MSANTD7: variants seen among roughly 807,000 people sequenced by gnomAD.
The protein encoded by MSANTD7 is Myb/SANT DNA binding domain containing 7, also known as zinc finger and SCAN domain containing 29.
chr10:14,840,421 TCACATTTTTAGATTTTTTTTAACTG>T, the MSANTD7 span, among the ~76,000 whole-genome samples: 1 of 152,206 alleles, frequency 6.6e-6, no homozygotes, highest in African/African-American at 2.4e-5. Flanking sequence ...TTTGGATTGT[TCACATTTTTAGATTTTTTTTAACTG>T]AGAGGATTTC....
chr10:14,843,737 A>G, the MSANTD7 span: 1 of 1,537,000 alleles, frequency 6.5e-7, no homozygotes. Context: ...GCTATTGGTG[A>G]GGAGGCCAGT....
chr10:14,845,320 G>A, the MSANTD7 span: 1 of 985,424 alleles, frequency 1.0e-6, no homozygotes. Context: ...ATAACAAAGA[G>A]TGGGCATGTT....
the MSANTD7 span, chr10:14,844,237 C>G: frequency 1.1e-5 from 12 of 1,092,658 alleles, no homozygotes; most frequent in Non-Finnish European, 1.4e-5. Context: ...CCCTGCCTAC[C>G]TCACAGGGTT....
chr10:14,842,243 C>A, the MSANTD7 span: 3 of 1,535,520 alleles, frequency 2.0e-6, no homozygotes, highest in South Asian at 3.6e-5. The surrounding 1 kb of genome is among the most constrained non-coding windows in gnomAD (Gnocchi z 5.2). Flanking sequence ...AGACTTGCAC[C>A]TTGCTGTCCA....
chr10:14,845,173 T>A, the MSANTD7 span: 1 of 985,446 alleles, frequency 1.0e-6, no homozygotes, highest in Non-Finnish European at 1.2e-6. Context: ...CACTTCCGAT[T>A]TACTCTAGAA....
At chr10:14,846,654 TCCTA>T in the MSANTD7 span, 5 of 942,266 alleles carry the variant, frequency 5.3e-6, no homozygotes, top group Non-Finnish European at 6.3e-6. Context: ...CTCATAATTG[TCCTA>T]CCTACCTCAC....
the MSANTD7 span, among the ~76,000 whole-genome samples, chr10:14,841,513 T>C: frequency 1.3e-3 from 202 of 152,342 alleles, 2 homozygotes; most frequent in Non-Finnish European, 2.4e-3. Context: ...TGCAAAATTA[T>C]AGTACAGTGT....
chr10:14,846,210 A>G, the MSANTD7 span: 1 of 985,116 alleles, frequency 1.0e-6, no homozygotes, highest in African/African-American at 1.7e-5. Context: ...ATATGGAAAG[A>G]TATGTGTCAA....
chr10:14,838,613 G>T, the MSANTD7 span: 1 of 701,712 alleles, frequency 1.4e-6, no homozygotes, highest in Non-Finnish European at 2.2e-6. Flanking sequence ...GGGCCGGGCA[G>T]GCCCGGCCTC....
At chr10:14,844,425 A>C in the MSANTD7 span, 9 of 994,538 alleles carry the variant, frequency 9.0e-6, no homozygotes, top group South Asian at 4.4e-5. Flanking sequence ...TTGCTGGTCT[A>C]ACTTGACTGC....
the MSANTD7 span, chr10:14,844,032 T>C: frequency 2.1e-6 from 3 of 1,443,222 alleles, no homozygotes; most frequent in Non-Finnish European, 2.7e-6. Flanking sequence ...AGTATGAAAA[T>C]AATTGCTAGT....
the MSANTD7 span, chr10:14,842,319 G>A: frequency 6.5e-7 from 1 of 1,536,038 alleles, no homozygotes; most frequent in South Asian, 1.2e-5. The surrounding 1 kb of genome is among the most constrained non-coding windows in gnomAD (Gnocchi z 5.2). Flanking sequence ...GGCATCCGGT[G>A]GTCCAGACAG....
the MSANTD7 span, chr10:14,844,123 G>A: frequency 3.7e-6 from 5 of 1,350,930 alleles, no homozygotes; most frequent in African/African-American, 4.4e-5. Flanking sequence ...ATGGAGCCAC[G>A]TTCTAGACAG....
chr10:14,844,661 G>A, the MSANTD7 span: 3 of 980,980 alleles, frequency 3.1e-6, no homozygotes, highest in Non-Finnish European at 2.4e-6. Flanking sequence ...AGCCGCCATT[G>A]TGTGTTACGG....
chr10:14,843,898 C>G, the MSANTD7 span: 1 of 1,536,168 alleles, frequency 6.5e-7, no homozygotes, highest in East Asian at 2.4e-5. Context: ...AAGCTAGGAA[C>G]CAATTACAAA....
chr10:14,845,621 TCTCACTG>T, the MSANTD7 span: 2 of 818,188 alleles, frequency 2.4e-6, no homozygotes, highest in Non-Finnish European at 3.0e-6. Flanking sequence ...TGAGAAAAAG[TCTCACTG>T]TTTTGCCCAG....
chr10:14,838,520 G>C, the MSANTD7 span: 1 of 1,480,044 alleles, frequency 6.8e-7, no homozygotes, highest in Non-Finnish European at 9.2e-7. Context: ...CTGGCGCTGG[G>C]TCATCCACAG....
At chr10:14,843,035 A>G in the MSANTD7 span, among the ~76,000 whole-genome samples, 1 of 152,228 alleles carries the variant, frequency 6.6e-6, no homozygotes, top group Non-Finnish European at 1.5e-5. Flanking sequence ...GCCCCTGGCA[A>G]CATAAGGTAT....
the MSANTD7 span, chr10:14,838,687 C>T: frequency 4.0e-6 from 2 of 498,808 alleles, no homozygotes; most frequent in African/African-American, 2.0e-5. Flanking sequence ...GATGTAGACG[C>T]GCGGGGTCCC....
Sources: gnomAD v4.1 joint callset for allele counts (sites outside exome capture counted in the v4.1 genomes callset) on GRCh38, gnomAD v4.1.1 for gene constraint, Gnocchi (gnomAD v3.1) non-coding constraint, MANE v1.5 for transcripts, NCBI Gene and HGNC (gene_info 2026-07-23, HGNC 2026-07-21) for gene names.